GON4L: variants seen among roughly 807,000 people sequenced by gnomAD.
GON4L encodes the protein GON-4-like protein.
In GON4L, 87 loss-of-function variants were observed where a neutral mutation model predicts 211.8. The observed-to-expected ratio is 0.41, with a 90% CI of 0.35 to 0.49. The LOEUF (loss-of-function observed/expected upper bound fraction) is 0.49, where lower values mean the gene tolerates loss of function less well. GON4L is among the 20% of genes least tolerant of loss of function. The pLI, the probability that GON4L is intolerant of heterozygous loss-of-function variation, is 0.15. For synonymous variants in GON4L, 875 were observed against 962.6 expected (o/e 0.91, Z 1.68); for missense variants, 2,155 against 2,659.5 (o/e 0.81, Z 4.17).
rs1223359073 is a variant in GON4L, at chr1:155,849,962, T to C, written c.505+3314A>G. Among the ~76,000 whole-genome samples, 10 of 144,420 alleles carry C rather than the reference T, an allele frequency of 6.9e-5. No individual in the cohort carries two copies. The Admixed American group carries it at 7.1e-4, about 10-fold the overall frequency. The allele number at this position is 144,420 out of a possible 152,430, so 94.7% of individuals were successfully genotyped here. A position where few individuals can be genotyped will look rare whatever the true frequency, so the allele number is the denominator to read the frequency against. On this transcript the variant is annotated intron_variant, in intron 2 of 31. Coordinates refer to ENST00000368331, the MANE Select transcript of GON4L (RefSeq NM_001282860.2). ...TAAATTCCAGTATCACCTTAATTTG[T>C]CCTGATCTAGTATATTCTGCTCTTA...
chr1:155,798,123 A>AAT (rs200667170), intron 11 of GON4L, among the ~76,000 whole-genome samples: 1 of 144,168 alleles, frequency 6.9e-6, no homozygotes, highest in Non-Finnish European at 1.5e-5. Context: ...AATATATATA[A>AAT]ATATATATAT....
At chr1:155,749,643 G>A, downstream of GON4L, 2 of 1,408,988 alleles carry the variant, frequency 1.4e-6, no homozygotes, top group East Asian at 2.6e-5. Context: ...TATGTAGGAG[G>A]TGAAGAAAAC....
At chr1:155,836,009 C>T (rs967135406) in intron 2 of GON4L, among the ~76,000 whole-genome samples, 6 of 152,150 alleles carry the variant, frequency 3.9e-5, no homozygotes, top group Non-Finnish European at 5.9e-5. Context: ...TTTGGGAGGC[C>T]AAGGCAGGTG....
intron 2 of GON4L, among the ~76,000 whole-genome samples, chr1:155,829,923 G>T (rs1669587714): frequency 6.6e-6 from 1 of 151,844 alleles, no homozygotes; most frequent in South Asian, 2.1e-4. Context: ...TTGTGGTGCA[G>T]CTGATAATGT....
intron 11 of GON4L, among the ~76,000 whole-genome samples, chr1:155,800,254 T>C (rs1045405672): frequency 6.6e-6 from 1 of 151,534 alleles, no homozygotes; most frequent in Non-Finnish European, 1.5e-5. Flanking sequence ...TGAAAAGTCA[T>C]ATACTTTTAA....
rs1299994666 is a variant in GON4L at position 155,852,252 on chromosome 1, G to GCA, written c.505+1022_505+1023dup. On this transcript the variant is annotated intron_variant, in intron 2 of 31. Transcript: ENST00000368331. ...TCCTTTTCTGCCAGTCTATCTCTGT[G>GCA]CACTGTTCTTGGCCTATGTGCCCAT... is the stretch of plus-strand genomic sequence containing the variant. 7.3e-5 allele frequency among the ~76,000 whole-genome samples: 11 copies of GCA among 151,498 alleles called. No homozygotes were observed. In the East Asian group the frequency reaches 1.9e-3, roughly 27 times the overall value.
chr1:155,803,115 C>CAA (rs1666827246), intron 11 of GON4L, among the ~76,000 whole-genome samples: 1 of 152,074 alleles, frequency 6.6e-6, no homozygotes, highest in African/African-American at 2.4e-5. Context: ...AAACATTTGC[C>CAA]AAATGATATA....
rs1200308084 is a variant in GON4L at position 155,766,562 on chromosome 1, G to T, written c.2911C>A (p.Leu971Met). The T allele has an allele frequency of 1.2e-6, 2 of 1,614,004 alleles. No individual in the cohort carries two copies. Among genetic ancestry groups the T allele is most frequent in the Non-Finnish European group, 1.7e-6 (2 of 1,180,038 alleles). ...LELGSESRYP[L>M]LLPKGVVLKL... ...AGGACTACACCCTTAGGCAATAGCAGTGGGTACCGAGATTCACTCCCCAAC... is the reference window on the plus strand; with the variant it reads ...AGGACTACACCCTTAGGCAATAGCATTGGGTACCGAGATTCACTCCCCAAC... The change falls in exon 21 of 32, where the codon CTG becomes ATG. Residue 971 changes from leucine (L) to methionine (M), a missense_variant. Physicochemically the swap from Leu to Met is conservative, Grantham distance 15. Coordinates refer to ENST00000368331, the MANE Select transcript of GON4L (RefSeq NM_001282860.2).
intron 2 of GON4L, among the ~76,000 whole-genome samples, chr1:155,833,543 G>C (rs1296899939): frequency 6.7e-6 from 1 of 148,188 alleles, no homozygotes; most frequent in Non-Finnish European, 1.5e-5. Context: ...CTACTCGGGA[G>C]GCTGAGGCAG....
At chr1:155,855,033 T>C (rs574215968) in intron 1 of GON4L, among the ~76,000 whole-genome samples, 19 of 143,002 alleles carry the variant, frequency 1.3e-4, no homozygotes, top group Admixed American at 1.2e-3. Flanking sequence ...CGAAACTCCA[T>C]CTCAAAAAAA....
At chr1:155,822,606 C>A in intron 3 of GON4L, 130 bp from the exon 4 acceptor site, 2 of 729,302 alleles carry the variant, frequency 2.7e-6, no homozygotes, top group Non-Finnish European at 2.5e-6. Context: ...TGTAAAAGGA[C>A]ACATATTATA....
intron 14 of GON4L, among the ~76,000 whole-genome samples, chr1:155,781,883 A>C (rs1287210274): frequency 1.3e-5 from 2 of 152,008 alleles, no homozygotes; most frequent in Non-Finnish European, 2.9e-5. Context: ...CAGCCTCCCA[A>C]GTAGCTGGGA....
At chr1:155,794,146 A>C (rs1367411337) in intron 12 of GON4L, among the ~76,000 whole-genome samples, 1 of 151,360 alleles carries the variant, frequency 6.6e-6, no homozygotes. Context: ...ATCTCGGCTC[A>C]CTGCAACCTC....
chr1:155,770,914 T>C (rs1324310849), intron 19 of GON4L, among the ~76,000 whole-genome samples, 153 bp downstream of exon 19: 1 of 152,158 alleles, frequency 6.6e-6, no homozygotes, highest in Non-Finnish European at 1.5e-5. Flanking sequence ...AGCGGAATAT[T>C]GCCCAAAAGG....
At chr1:155,855,531 T>C (rs181657749) in intron 1 of GON4L, among the ~76,000 whole-genome samples, 19 of 152,246 alleles carry the variant, frequency 1.2e-4, no homozygotes, top group Admixed American at 3.9e-4. Flanking sequence ...AGTTCAGTAT[T>C]TGGGTATTGT....
At chr1:155,799,553 C>CAGT (rs1666428725) in intron 11 of GON4L, among the ~76,000 whole-genome samples, 1 of 152,158 alleles carries the variant, frequency 6.6e-6, no homozygotes, top group South Asian at 2.1e-4. Flanking sequence ...TTTCCCAGAC[C>CAGT]AGTAGTTTCC....
chr1:155,773,018 TCTC>T, intron 18 of GON4L, 45 bp downstream of exon 18: 1 of 1,608,162 alleles, frequency 6.2e-7, no homozygotes, highest in Non-Finnish European at 8.5e-7. Flanking sequence ...AACTACATCT[TCTC>T]CTTGGGATGT....
chr1:155,831,454 AAAATAAATAAATAAATAAATAAAT>A (rs143578512), intron 2 of GON4L: 5 of 141,032 alleles, frequency 3.5e-5, no homozygotes, highest in East Asian at 4.2e-4. Flanking sequence ...TGTCTCGTTA[AAAATAAATAAATAAATAAATAAAT>A]AAATAAATAA....
In GON4L at chr1:155,773,246, A is replaced by C. The variant is rs371207266; in HGVS notation, c.2351-36T>G. On this transcript the variant is annotated intron_variant, in intron 17 of 31. Transcript: ENST00000368331. ...ATAAATCTCGGATAAATCAACTTCTAGGACAAAAGAGGGCTTCATAAAAGC... is the reference window on the plus strand; with the variant it reads ...ATAAATCTCGGATAAATCAACTTCTCGGACAAAAGAGGGCTTCATAAAAGC... 4.3e-6 allele frequency: 7 copies of C among 1,611,502 alleles called. No individual in the cohort carries two copies. In the African/African-American group the frequency reaches 8.0e-5, roughly 18 times the overall value.
Sources: gnomAD v4.1 joint callset for allele counts (sites outside exome capture counted in the v4.1 genomes callset) on GRCh38, gnomAD v4.1.1 for gene constraint, MANE v1.5 for transcripts, NCBI Gene and HGNC (gene_info 2026-07-23, HGNC 2026-07-21) for gene names.